ATCAY: variants seen among roughly 807,000 people sequenced by gnomAD.
ATCAY encodes ATCAY kinesin light chain interacting caytaxin.
In ATCAY, 22 loss-of-function variants were observed where a neutral mutation model predicts 47.7. The ratio of observed to expected loss-of-function variants is 0.46; its 90% CI spans 0.33 to 0.66. The LOEUF (loss-of-function observed/expected upper bound fraction) is 0.66. ATCAY is among the 30% of genes least tolerant of loss of function. The pLI is 0.02. For synonymous variants in ATCAY, 216 were observed against 207.6 expected (o/e 1.04, Z -0.35); for missense variants, 452 against 515.0 (o/e 0.88, Z 1.18).
At chr19:3,886,125 G>A (rs1359338710) in intron 2 of ATCAY, among the ~76,000 whole-genome samples, 1 of 152,126 alleles carries the variant, frequency 6.6e-6, no homozygotes, top group African/African-American at 2.4e-5. Flanking sequence ...AGCTCCAAAG[G>A]ACCCCCCACC....
chr19:3,902,620 CTG>C, intron 3 of ATCAY, 75 bp downstream of exon 3: 1 of 1,483,286 alleles, frequency 6.7e-7, no homozygotes. Context: ...GGGGCTGTAA[CTG>C]TAGAAATGTC....
Position 3,905,725 on chromosome 19 carries a change from T to A in ATCAY, c.358+70T>A, listed in dbSNP as rs538081151. 663 of 1,408,622 alleles carry A rather than the reference T, an allele frequency of 4.7e-4. 1 individual carries two copies. In the African/African-American group the frequency reaches 7.3e-3, roughly 16 times the overall value. 87.3% of individuals were successfully genotyped at this position (1,408,622 alleles called of 1,614,324 possible). A position where few individuals can be genotyped will look rare whatever the true frequency, so the allele number is the denominator to read the frequency against. On this transcript the variant is annotated intron_variant, in intron 4 of 12. Coordinates refer to ENST00000450849, the MANE Select transcript of ATCAY (RefSeq NM_033064.5). ...CCACCCCACCTTTCCGTCTCTGGATTCCCATAGGCTCAGAGAGTCACAAGT... is the reference window on the plus strand; with the variant it reads ...CCACCCCACCTTTCCGTCTCTGGATACCCATAGGCTCAGAGAGTCACAAGT...
chr19:3,909,924 T>TA, intron 7 of ATCAY, among the ~76,000 whole-genome samples: 1 of 152,144 alleles, frequency 6.6e-6, no homozygotes, highest in East Asian at 1.9e-4. Context: ...CCATCTCTAC[T>TA]AAAAAAATTC....
intron 9 of ATCAY, 53 bp from the exon 10 acceptor site, chr19:3,917,689 G>T (rs2038978482): frequency 6.3e-7 from 1 of 1,584,804 alleles, no homozygotes; most frequent in Admixed American, 1.7e-5. Flanking sequence ...TCCCCAAAAA[G>T]TATATCTCAG....
rs74838672 is a variant in ATCAY at position 3,895,017 on chromosome 19, T to C, written c.78-7470T>C. On this transcript the variant is annotated intron_variant, in intron 2 of 12. Transcript: ENST00000450849. ...TTCCCTGACCACCCCACAGATTTTT[T>C]TCTCTCTCTCTCCTCTCCTTTATTT... 5.2e-3 allele frequency: 2,067 copies of C among 399,760 alleles called. 42 individuals are homozygous for C. Among genetic ancestry groups the C allele is most frequent in the African/African-American group, 0.039 (1,875 of 47,542 alleles). The allele number at this position is 399,760 out of a possible 1,614,324, so 24.8% of individuals were successfully genotyped here. A position where few individuals can be genotyped will look rare whatever the true frequency, so the allele number is the denominator to read the frequency against.
chr19:3,910,327 C>A (rs982528420), intron 7 of ATCAY, among the ~76,000 whole-genome samples: 1 of 152,140 alleles, frequency 6.6e-6, no homozygotes, highest in Non-Finnish European at 1.5e-5. Flanking sequence ...TATGGACATA[C>A]CACATTTGGT....
At chr19:3,895,461 C>T (rs1599281241) in intron 2 of ATCAY, among the ~76,000 whole-genome samples, 1 of 151,954 alleles carries the variant, frequency 6.6e-6, no homozygotes, top group African/African-American at 2.4e-5. Context: ...GTGATCTGCC[C>T]GCCTCGGCCT....
rs757673737 is a variant in ATCAY at position 3,920,751 on chromosome 19, G to A, written c.1074-15G>A. Reference sequence around the variant, plus strand: ...AATAAGCAAATAACGCCCAGTCTCCGTCTCTCCTCCACAGGTCTGCTCTGG... The same window carrying A: ...AATAAGCAAATAACGCCCAGTCTCCATCTCTCCTCCACAGGTCTGCTCTGG... On this transcript the variant is annotated splice_polypyrimidine_tract_variant and intron_variant, in intron 11 of 12. Coordinates refer to ENST00000450849, the MANE Select transcript of ATCAY (RefSeq NM_033064.5). The A allele has an allele frequency of 8.8e-6, 14 of 1,599,458 alleles. No homozygotes were observed. Among genetic ancestry groups the A allele is most frequent in the African/African-American group, 4.0e-5 (3 of 74,704 alleles).
intron 2 of ATCAY, among the ~76,000 whole-genome samples, chr19:3,889,555 C>A (rs1330163285): frequency 6.6e-6 from 1 of 152,150 alleles, no homozygotes; most frequent in Admixed American, 6.6e-5. Context: ...GATCACACCA[C>A]CGCACTCCAG....
chr19:3,890,247 A>ATTTTTTTT lies in ATCAY; in HGVS notation c.77+4428_77+4435dup, dbSNP rs764697276. ...GCCATTGGGCCCAGCTCCACCTATA[A>ATTTTTTTT]TTTTTTTTTTTTTTTTTTTTTTTTT... On this transcript the variant is annotated intron_variant, in intron 2 of 12. Coordinates refer to ENST00000450849, the MANE Select transcript of ATCAY (RefSeq NM_033064.5). 1.3e-4 allele frequency among the ~76,000 whole-genome samples: 5 copies of ATTTTTTTT among 38,570 alleles called. 1 individual carries two copies. Among genetic ancestry groups the ATTTTTTTT allele is most frequent in the African/African-American group, 2.6e-4 (2 of 7,566 alleles). The allele number at this position is 38,570 out of a possible 152,430, so 25.3% of individuals were successfully genotyped here. A position where few individuals can be genotyped will look rare whatever the true frequency, so the allele number is the denominator to read the frequency against.
intron 8 of ATCAY, among the ~76,000 whole-genome samples, chr19:3,913,069 C>T (rs1265368827): frequency 6.6e-6 from 1 of 152,078 alleles, no homozygotes; most frequent in Non-Finnish European, 1.5e-5. Flanking sequence ...AGGCAGATCA[C>T]ATGAGGTCAG....
intron 9 of ATCAY, among the ~76,000 whole-genome samples, chr19:3,915,397 C>G (rs890548801): frequency 6.7e-6 from 1 of 149,634 alleles, no homozygotes; most frequent in Admixed American, 6.8e-5. Context: ...GTTCGTCAAG[C>G]TGGTCTCAAA....
At chr19:3,923,347 G>A (rs1320768901) in intron 12 of ATCAY, among the ~76,000 whole-genome samples, 1 of 152,154 alleles carries the variant, frequency 6.6e-6, no homozygotes, top group Non-Finnish European at 1.5e-5. Flanking sequence ...AGGTGGATAA[G>A]ATATAATAAG....
rs776188617 is a variant in ATCAY at position 3,907,867 on chromosome 19, C to T, written c.492C>T (p.His164=). 3.7e-6 allele frequency: 6 copies of T among 1,613,958 alleles called. No homozygotes were observed. The highest frequency in any genetic ancestry group is 2.5e-6 in the Non-Finnish European group (3 of 1,179,856). The change falls in exon 5 of 13, where the codon CAC becomes CAT. Residue 164 remains histidine (H), a synonymous_variant. Transcript: ENST00000450849. This position sits in a 1 kb window ranked among gnomAD's most constrained non-coding sequence, Gnocchi z 5.1. ...CAGTGATCATCGGGGAGCAAGAGCA[C>T]CGTATAGACCTGCACATGATCCGGC... ...WRTVIIGEQE[H]RIDLHMIRPY...
intron 12 of ATCAY, among the ~76,000 whole-genome samples, chr19:3,923,556 G>A (rs1248089113): frequency 1.3e-5 from 2 of 151,628 alleles, no homozygotes; most frequent in East Asian, 1.9e-4. Context: ...ATGGATGGAT[G>A]GATAAATGGA....
At chr19:3,923,561 AATGG>A (rs370852190) in intron 12 of ATCAY, among the ~76,000 whole-genome samples, 11 of 145,520 alleles carry the variant, frequency 7.6e-5, no homozygotes, top group Admixed American at 2.7e-4. Context: ...TGGATGGATA[AATGG>A]ATGGATGGAT....
rs777360536 is a variant in ATCAY, at chr19:3,908,300, G to A, written c.577G>A (p.Val193Ile). The A allele has an allele frequency of 2.4e-5, 38 of 1,586,760 alleles. No individual in the cohort carries two copies. The highest frequency in any genetic ancestry group is 6.9e-5 in the East Asian group (3 of 43,558). Residue 193 changes from valine to isoleucine, a missense_variant, in exon 6 of 13, where the codon GTC becomes ATC. Physicochemically the swap from Val to Ile is conservative, Grantham distance 29 (BLOSUM62 3). Coordinates refer to ENST00000450849, the MANE Select transcript of ATCAY (RefSeq NM_033064.5). ...YYGEGLNAII[V>I]FAACFLPDSS... The stretch of plus-strand genomic sequence containing the variant: ...CGGCGAAGGCCTCAACGCCATCATC[G>A]TCTTCGCAGCCTGCTTCCTTCCAGA...
Position 3,909,957 on chromosome 19 carries a change from C to T in ATCAY, c.779+340C>T, listed in dbSNP as rs538531641. On this transcript the variant is annotated intron_variant, in intron 7 of 12. Transcript: ENST00000450849. Reference sequence around the variant, plus strand: ...TTCAAAAATTAGCTGGGCGTGGTGGCGCATGCCTGTAGTCCCAGCTACTTG... The same window carrying T: ...TTCAAAAATTAGCTGGGCGTGGTGGTGCATGCCTGTAGTCCCAGCTACTTG... Among the ~76,000 whole-genome samples the T allele has an allele frequency of 6.6e-5, 10 of 152,212 alleles. No homozygotes were observed. The South Asian group carries it at 1.2e-3, about 19-fold the overall frequency.
At chr19:3,885,893 T>G in intron 2 of ATCAY, 49 bp downstream of exon 2, 8 of 1,524,686 alleles carry the variant, frequency 5.2e-6, no homozygotes, top group Non-Finnish European at 7.1e-6. Context: ...CAGGTGTCTC[T>G]CCCAGGTGGG....
Sources: allele counts gnomAD v4.1 joint callset (sites outside exome capture counted in the v4.1 genomes callset), GRCh38; gene constraint gnomAD v4.1.1; non-coding constraint Gnocchi (gnomAD v3.1); transcripts MANE v1.5; gene names NCBI Gene and HGNC (gene_info 2026-07-23, HGNC 2026-07-21).